The following KCNQ5 variants were observed in gnomAD, a reference collection of about 807,000 sequenced individuals.
KCNQ5 encodes potassium voltage-gated channel subfamily Q member 5, also known as potassium voltage-gated channel subfamily KQT member 5.
In KCNQ5, 30 loss-of-function variants were observed where a neutral mutation model predicts 98.2. That is an observed-to-expected ratio of 0.31 (90% CI 0.23 to 0.41). KCNQ5 has a LOEUF of 0.41. Ranked by LOEUF, KCNQ5 falls within the 10% of genes least tolerant of loss-of-function variation. KCNQ5 has a pLI of 1.00. For synonymous variants in KCNQ5, 458 were observed against 449.4 expected, an observed-to-expected ratio of 1.02 and a Z score of -0.24; for missense variants, 835 against 1,182.5, an observed-to-expected ratio of 0.71 and a Z score of 4.31.
chr6:72,628,637 C>A (rs1235694595), intron 1 of KCNQ5, among the ~76,000 whole-genome samples: 2 of 152,074 alleles, frequency 1.3e-5, no homozygotes, highest in East Asian at 3.8e-4. Context: ...TGAGATGGAG[C>A]CTCACTCCGT....
In KCNQ5 at chr6:72,725,496, T is replaced by A. The variant is rs545856327; in HGVS notation, c.398+102909T>A. 9.9e-5 allele frequency among the ~76,000 whole-genome samples: 15 copies of A among 152,154 alleles called. No individual in the cohort carries two copies. The East Asian group carries it at 1.7e-3, about 18-fold the overall frequency. ...GAACTCACAGAAGTAGAGAGTAGAA[T>A]AGTGGTTGCCAGAGGCTGAGGGAGG... On this transcript the variant is annotated intron_variant, in intron 1 of 13. Transcript: ENST00000370398.
chr6:72,693,313 A>T (rs1768306982), intron 1 of KCNQ5, among the ~76,000 whole-genome samples: 1 of 152,132 alleles, frequency 6.6e-6, no homozygotes, highest in South Asian at 2.1e-4. Flanking sequence ...TGGGAGCAAG[A>T]TGTGGAGAGA....
intron 1 of KCNQ5, among the ~76,000 whole-genome samples, chr6:72,707,125 T>A (rs964082550): frequency 3.3e-5 from 5 of 152,234 alleles, no homozygotes; most frequent in African/African-American, 1.2e-4. Flanking sequence ...AATTAGCTAC[T>A]TCATAAATGC....
chr6:73,097,257 C>T (rs1162677640), intron 5 of KCNQ5, among the ~76,000 whole-genome samples: 2 of 151,038 alleles, frequency 1.3e-5, no homozygotes, highest in African/African-American at 4.8e-5. Flanking sequence ...TGGTAACCAG[C>T]ATACTACTCT....
intron 1 of KCNQ5, among the ~76,000 whole-genome samples, chr6:72,897,060 G>T (rs7775087): frequency 0.62 from 94,242 of 151,614 alleles, 29,782 homozygotes; most frequent in East Asian, 0.79. Flanking sequence ...AAAGCAAGAA[G>T]AAGAGCCCCA....
intron 1 of KCNQ5, among the ~76,000 whole-genome samples, chr6:72,648,250 A>T (rs556226301): frequency 6.6e-6 from 1 of 152,184 alleles, no homozygotes; most frequent in African/African-American, 2.4e-5. Flanking sequence ...ACTTCTTGCC[A>T]TCAAGACCAG....
chr6:72,687,111 A>G (rs1405316581), intron 1 of KCNQ5, among the ~76,000 whole-genome samples: 2 of 152,198 alleles, frequency 1.3e-5, no homozygotes, highest in Non-Finnish European at 2.9e-5. Context: ...ACATTTATAT[A>G]GTGAAGATGA....
At chr6:72,844,509 C>T (rs1043319290) in intron 1 of KCNQ5, among the ~76,000 whole-genome samples, 1 of 152,084 alleles carries the variant, frequency 6.6e-6, no homozygotes, top group African/African-American at 2.4e-5. Context: ...AAGATAAACC[C>T]CTAACCTGTA....
chr6:73,164,121 C>A (rs947999472), intron 10 of KCNQ5, among the ~76,000 whole-genome samples: 1 of 152,096 alleles, frequency 6.6e-6, no homozygotes, highest in Non-Finnish European at 1.5e-5. Flanking sequence ...TGCCATAGGA[C>A]TTTAACTCTT....
At chr6:73,175,393 GCC>G (rs138525460) in intron 11 of KCNQ5, among the ~76,000 whole-genome samples, 1 of 151,422 alleles carries the variant, frequency 6.6e-6, no homozygotes, top group Non-Finnish European at 1.5e-5. Context: ...CAGGTGATCT[GCC>G]CCCCCCTTGG....
intron 1 of KCNQ5, among the ~76,000 whole-genome samples, chr6:72,696,432 T>C (rs1310202385): frequency 6.6e-6 from 1 of 152,242 alleles, no homozygotes; most frequent in Non-Finnish European, 1.5e-5. Flanking sequence ...TCATAATTTT[T>C]ACACAATCTG....
rs564145449 is a variant in KCNQ5 at position 72,759,204 on chromosome 6, A to T, written c.398+136617A>T. ...TTTGGAGATGAATGACTTCGTTAAG[A>T]TTCCTCTCTGGGAATGTGAAGAGAT... is the stretch of plus-strand genomic sequence containing the variant. On this transcript the variant is annotated intron_variant, in intron 1 of 13. Transcript: ENST00000370398. Among the ~76,000 whole-genome samples, 10 of 152,282 alleles carry T rather than the reference A, an allele frequency of 6.6e-5. No homozygotes were observed. The East Asian group carries it at 1.9e-3, about 29-fold the overall frequency.
At chr6:72,674,231 G>A (rs1767289763) in intron 1 of KCNQ5, among the ~76,000 whole-genome samples, 1 of 151,158 alleles carries the variant, frequency 6.6e-6, no homozygotes, top group Non-Finnish European at 1.5e-5. Context: ...TTTTTTTGGA[G>A]AAATTATTTC....
At chr6:72,762,907 C>T (rs1207250588) in intron 1 of KCNQ5, among the ~76,000 whole-genome samples, 2 of 151,756 alleles carry the variant, frequency 1.3e-5, no homozygotes, top group African/African-American at 4.8e-5. Context: ...CTTATCTTCC[C>T]AAGATATAAT....
intron 11 of KCNQ5, among the ~76,000 whole-genome samples, chr6:73,174,615 C>A (rs1393371093): frequency 6.6e-6 from 1 of 152,162 alleles, no homozygotes; most frequent in African/African-American, 2.4e-5. Flanking sequence ...TACACTGGTA[C>A]CATTGGCTAA....
intron 5 of KCNQ5, among the ~76,000 whole-genome samples, chr6:73,080,368 A>G (rs1158246411): frequency 2.0e-5 from 3 of 152,164 alleles, no homozygotes; most frequent in African/African-American, 7.2e-5. Flanking sequence ...TCAAACTTCG[A>G]AGAATTTTTT....
At chr6:73,057,227 G>A (rs530226521) in intron 3 of KCNQ5, among the ~76,000 whole-genome samples, 3 of 150,718 alleles carry the variant, frequency 2.0e-5, no homozygotes, top group Non-Finnish European at 4.4e-5. Context: ...CTATCACAAG[G>A]ACAGAAAACC....
chr6:72,871,013 A>G (rs1778182607), intron 1 of KCNQ5, among the ~76,000 whole-genome samples: 1 of 152,194 alleles, frequency 6.6e-6, no homozygotes, highest in South Asian at 2.1e-4. Flanking sequence ...TTCCAGGTAG[A>G]TACCCTGAGA....
intron 10 of KCNQ5, among the ~76,000 whole-genome samples, chr6:73,147,542 CT>C: frequency 6.6e-6 from 1 of 152,114 alleles, no homozygotes; most frequent in Non-Finnish European, 1.5e-5. Context: ...GGACCGCTTC[CT>C]TTATTAAAGA....
Sources: allele counts gnomAD v4.1 joint callset (sites outside exome capture counted in the v4.1 genomes callset), GRCh38; gene constraint gnomAD v4.1.1; transcripts MANE v1.5; gene names NCBI Gene and HGNC (gene_info 2026-07-23, HGNC 2026-07-21).